The following GRM7 variants were observed in gnomAD, a reference collection of about 807,000 sequenced individuals.
GRM7 encodes metabotropic glutamate receptor 7.
In GRM7, 35 loss-of-function variants were observed where a neutral mutation model predicts 84.5. The ratio of observed to expected loss-of-function variants is 0.41; its 90% confidence interval spans 0.32 to 0.55. GRM7 has a LOEUF of 0.55. Ranked by LOEUF, GRM7 falls within the 20% of genes least tolerant of loss-of-function variation. The pLI is 0.19. For missense variants in GRM7, 1,003 were observed against 1,194.6 expected (o/e 0.84, Z 2.36); for synonymous variants, 487 against 455.1 (o/e 1.07, Z -0.89).
intron 1 of GRM7, among the ~76,000 whole-genome samples, chr3:6,872,026 A>G (rs957118660): frequency 6.6e-6 from 1 of 152,142 alleles, no homozygotes; most frequent in African/African-American, 2.4e-5. Flanking sequence ...ATAGAAATCA[A>G]GAAAAAACAG....
chr3:7,391,547 C>T (rs1050733393), intron 4 of GRM7, among the ~76,000 whole-genome samples: 22 of 151,888 alleles, frequency 1.4e-4, no homozygotes, highest in African/African-American at 4.3e-4. Flanking sequence ...CATCACACAC[C>T]GGGGCCTGTC....
chr3:7,525,912 A>G (rs1559380183), intron 7 of GRM7, among the ~76,000 whole-genome samples: 1 of 152,160 alleles, frequency 6.6e-6, no homozygotes, highest in East Asian at 1.9e-4. Context: ...GCTGCATAGT[A>G]TTCCATGGCA....
chr3:7,574,893 C>G (rs901889983), intron 7 of GRM7, among the ~76,000 whole-genome samples: 1 of 152,120 alleles, frequency 6.6e-6, no homozygotes, highest in Non-Finnish European at 1.5e-5. Flanking sequence ...GGGTTACAAC[C>G]CTTTGCTCTT....
At chr3:7,030,967 A>T (rs1015562903) in intron 1 of GRM7, among the ~76,000 whole-genome samples, 5 of 152,222 alleles carry the variant, frequency 3.3e-5, no homozygotes, top group African/African-American at 1.2e-4. Flanking sequence ...ATCTTGGAAT[A>T]GATGAAAGAA....
intron 1 of GRM7, among the ~76,000 whole-genome samples, chr3:7,028,650 G>A (rs1696068088): frequency 6.6e-6 from 1 of 152,176 alleles, no homozygotes; most frequent in South Asian, 2.1e-4. Context: ...GGGAAACAGT[G>A]TGATCCCTAT....
chr3:7,572,783 C>T (rs1219900199), intron 7 of GRM7, among the ~76,000 whole-genome samples: 2 of 123,332 alleles, frequency 1.6e-5, no homozygotes, highest in East Asian at 4.5e-4. Context: ...GATTGTGCCA[C>T]TGCACCCCAG....
intron 2 of GRM7, among the ~76,000 whole-genome samples, chr3:7,246,672 C>T (rs138833016): frequency 1.2e-4 from 19 of 152,174 alleles, no homozygotes; most frequent in South Asian, 2.1e-4. Flanking sequence ...TGTGTCTGAG[C>T]GAGACGTGAA....
At chr3:7,366,793 C>G (rs944395860) in intron 4 of GRM7, among the ~76,000 whole-genome samples, 4 of 151,776 alleles carry the variant, frequency 2.6e-5, no homozygotes, top group Admixed American at 2.6e-4. Flanking sequence ...TATCACTCTA[C>G]TCTCTTATCA....
At chr3:6,929,958 C>T (rs548166280) in intron 1 of GRM7, among the ~76,000 whole-genome samples, 1 of 152,186 alleles carries the variant, frequency 6.6e-6, no homozygotes, top group Non-Finnish European at 1.5e-5. Flanking sequence ...GCAGACCCCA[C>T]AAACGTGGTG....
At chr3:7,713,112 GA>G (rs1701637965) in intron 9 of GRM7, among the ~76,000 whole-genome samples, 2 of 138,484 alleles carry the variant, frequency 1.4e-5, no homozygotes. Context: ...GAGAGGATTC[GA>G]ATTTTGTTTT....
chr3:7,573,250 C>A (rs1269976438), intron 7 of GRM7, among the ~76,000 whole-genome samples: 1 of 142,618 alleles, frequency 7.0e-6, no homozygotes, highest in Non-Finnish European at 1.6e-5. Context: ...GAACAAATGG[C>A]ATTTTAATAA....
At chr3:6,953,358 C>T (rs769320833) in intron 1 of GRM7, among the ~76,000 whole-genome samples, 1 of 152,204 alleles carries the variant, frequency 6.6e-6, no homozygotes, top group Non-Finnish European at 1.5e-5. Flanking sequence ...GAGGTTCTGG[C>T]AACTGTTGCC....
chr3:7,695,872 T>C (rs1575643840), intron 9 of GRM7, among the ~76,000 whole-genome samples: 1 of 152,312 alleles, frequency 6.6e-6, no homozygotes, highest in African/African-American at 2.4e-5. Flanking sequence ...GACATATAGT[T>C]GTCAATCCAT....
chr3:7,548,984 C>T (rs1301238831), intron 7 of GRM7, among the ~76,000 whole-genome samples: 1 of 152,170 alleles, frequency 6.6e-6, no homozygotes, highest in Non-Finnish European at 1.5e-5. Flanking sequence ...GTGTCTTACT[C>T]AGTTTTCCCA....
intron 1 of GRM7, among the ~76,000 whole-genome samples, chr3:7,027,086 T>C (rs922287049): frequency 1.3e-5 from 2 of 152,234 alleles, no homozygotes; most frequent in African/African-American, 4.8e-5. Flanking sequence ...CCACCTCTTA[T>C]TGAAGTTATT....
chr3:7,083,466 T>C (rs915485602), intron 1 of GRM7, among the ~76,000 whole-genome samples: 3 of 152,176 alleles, frequency 2.0e-5, no homozygotes, highest in South Asian at 4.1e-4. Flanking sequence ...TTTACTGTGG[T>C]GGTCTGGAGC....
intron 7 of GRM7, among the ~76,000 whole-genome samples, chr3:7,463,948 G>A (rs1388862040): frequency 6.6e-6 from 1 of 152,164 alleles, no homozygotes; most frequent in Non-Finnish European, 1.5e-5. Flanking sequence ...AGATAATGGA[G>A]GGGGCAAAAG....
intron 4 of GRM7, among the ~76,000 whole-genome samples, chr3:7,376,640 ATAAGTTTT>A (rs1694363511): frequency 6.6e-6 from 1 of 152,226 alleles, no homozygotes; most frequent in African/African-American, 2.4e-5. Context: ...GTGTATGTCA[ATAAGTTTT>A]ATTGAACCAT....
intron 1 of GRM7, among the ~76,000 whole-genome samples, chr3:7,038,642 C>G (rs143422868): frequency 2.0e-3 from 297 of 152,254 alleles, no homozygotes; most frequent in South Asian, 3.5e-3. Flanking sequence ...ATGATGTGTT[C>G]TGCAATGTTT....
Sources: gnomAD v4.1 joint callset for allele counts (sites outside exome capture counted in the v4.1 genomes callset) on GRCh38, gnomAD v4.1.1 for gene constraint, MANE v1.5 for transcripts, NCBI Gene and HGNC (gene_info 2026-07-23, HGNC 2026-07-21) for gene names.